The following FIRRM variants were observed in gnomAD, a reference collection of about 807,000 sequenced individuals.
FIRRM encodes the protein FIGNL1 interacting regulator of recombination and mitosis.
the FIRRM span, among the ~76,000 whole-genome samples, chr1:169,819,488 G>A: frequency 2.3e-4 from 35 of 152,316 alleles, no homozygotes; most frequent in African/African-American, 5.3e-4. Context: ...ATGCAAAGCA[G>A]AACAGAACAG....
At chr1:169,824,942 T>A in the FIRRM span, among the ~76,000 whole-genome samples, 5 of 152,348 alleles carry the variant, frequency 3.3e-5, no homozygotes, top group African/African-American at 1.2e-4. Context: ...ACTGAACTCT[T>A]GATTTCCACC....
chr1:169,814,934 TTTCAG>T, the FIRRM span, among the ~76,000 whole-genome samples: 6 of 152,150 alleles, frequency 3.9e-5, no homozygotes, highest in African/African-American at 4.8e-5. Flanking sequence ...ACTTGGTACA[TTTCAG>T]TTTTCACTAT....
chr1:169,799,384 A>G, the FIRRM span, among the ~76,000 whole-genome samples: 1 of 152,184 alleles, frequency 6.6e-6, no homozygotes, highest in Non-Finnish European at 1.5e-5. Context: ...TGACTTTCTC[A>G]TTTTCATGTC....
chr1:169,822,804 A>G, the FIRRM span, among the ~76,000 whole-genome samples: 1 of 152,252 alleles, frequency 6.6e-6, no homozygotes, highest in African/African-American at 2.4e-5. Flanking sequence ...CCGGTCGACA[A>G]CTTTTCTATT....
At chr1:169,848,138 T>TTAA in the FIRRM span, among the ~76,000 whole-genome samples, 10 of 152,170 alleles carry the variant, frequency 6.6e-5, no homozygotes, top group Non-Finnish European at 1.2e-4. Context: ...TGGTAATTTA[T>TTAA]TAAAGTTATT....
chr1:169,795,612 T>A, the FIRRM span: 22 of 1,000,778 alleles, frequency 2.2e-5, no homozygotes, highest in Non-Finnish European at 2.6e-5. Flanking sequence ...TAGTTTGAGG[T>A]AAAGCGAGAT....
the FIRRM span, among the ~76,000 whole-genome samples, chr1:169,814,879 T>C: frequency 6.6e-6 from 1 of 152,228 alleles, no homozygotes; most frequent in East Asian, 1.9e-4. Context: ...AGACCCCATG[T>C]TGTTCAAAGG....
At chr1:169,811,652 CTAGA>C in the FIRRM span, among the ~76,000 whole-genome samples, 4 of 150,646 alleles carry the variant, frequency 2.7e-5, no homozygotes, top group East Asian at 3.9e-4. Context: ...GAGAGCTTGT[CTAGA>C]TAGATAGATA....
the FIRRM span, among the ~76,000 whole-genome samples, chr1:169,833,875 T>C: frequency 8.6e-6 from 1 of 116,862 alleles, no homozygotes; most frequent in East Asian, 2.6e-4. Flanking sequence ...TTTTTTTAAA[T>C]AGAGACAGGG....
At chr1:169,820,246 A>C in the FIRRM span, among the ~76,000 whole-genome samples, 1 of 152,170 alleles carries the variant, frequency 6.6e-6, no homozygotes, top group East Asian at 1.9e-4. Context: ...GAAGGTGAGG[A>C]GCTCAGGGAG....
At chr1:169,848,338 C>T in the FIRRM span, among the ~76,000 whole-genome samples, 1 of 152,126 alleles carries the variant, frequency 6.6e-6, no homozygotes, top group Non-Finnish European at 1.5e-5. Context: ...ATTTAAAGAA[C>T]TTACAGCAAA....
the FIRRM span, chr1:169,803,127 C>A: frequency 6.9e-6 from 11 of 1,598,522 alleles, no homozygotes; most frequent in Non-Finnish European, 9.4e-6. Context: ...TTTCAGTGCA[C>A]AAAAAATATA....
the FIRRM span, chr1:169,853,806 G>GA: frequency 6.3e-7 from 1 of 1,595,042 alleles, no homozygotes; most frequent in Non-Finnish European, 8.5e-7. Flanking sequence ...AGAACCCACT[G>GA]AAACAAATCA....
chr1:169,793,986 C>T, the FIRRM span: 1 of 254,444 alleles, frequency 3.9e-6, no homozygotes, highest in Admixed American at 5.4e-5. Flanking sequence ...AACAGCCACC[C>T]CCACCCCTCC....
At chr1:169,803,117 T>A in the FIRRM span, 5 of 1,569,594 alleles carry the variant, frequency 3.2e-6, no homozygotes, top group Non-Finnish European at 4.4e-6. Flanking sequence ...ACTAATACCT[T>A]TTCAGTGCAC....
the FIRRM span, chr1:169,829,334 T>G: frequency 1.9e-6 from 3 of 1,613,798 alleles, no homozygotes; most frequent in Non-Finnish European, 2.5e-6. Flanking sequence ...CCTGTTCATT[T>G]ACAGGGATTA....
the FIRRM span, among the ~76,000 whole-genome samples, chr1:169,791,623 C>T: frequency 5.3e-5 from 8 of 152,168 alleles, no homozygotes; most frequent in African/African-American, 4.8e-5. Flanking sequence ...GCCCTGTATA[C>T]AGTAAATGCT....
chr1:169,834,982 A>G, the FIRRM span, among the ~76,000 whole-genome samples: 13 of 152,310 alleles, frequency 8.5e-5, no homozygotes, highest in Admixed American at 2.0e-4. Flanking sequence ...AGGTAGGCAT[A>G]GGAGTTGGAA....
the FIRRM span, chr1:169,784,050 T>C: frequency 6.5e-6 from 1 of 153,440 alleles, no homozygotes. Flanking sequence ...TCCCCCAAAA[T>C]GCTGGGATCT....
Sources: allele counts gnomAD v4.1 joint callset (sites outside exome capture counted in the v4.1 genomes callset), GRCh38; gene constraint gnomAD v4.1.1; transcripts MANE v1.5; gene names NCBI Gene and HGNC (gene_info 2026-07-23, HGNC 2026-07-21).